Variants in HYDIN observed in about 807,000 individuals in gnomAD.
HYDIN encodes HYDIN axonemal central pair apparatus protein.
In HYDIN, 132 loss-of-function variants were observed where a neutral mutation model predicts 403.9. That is an observed-to-expected ratio of 0.33 (90% CI 0.28 to 0.38). The LOEUF is 0.38. Among genes scored for constraint, HYDIN ranks in the 10% least tolerant of loss-of-function variants. The pLI, the probability that HYDIN is intolerant of heterozygous loss-of-function variation, is 1.00. For synonymous variants in HYDIN, 1,202 were observed against 1,891.7 expected, an observed-to-expected ratio of 0.64 and a Z score of 9.46; for missense variants, 2,827 against 5,009.5, an observed-to-expected ratio of 0.56 and a Z score of 13.15.
chr16:71,152,142 C>T (rs1311972697), intron 7 of HYDIN, among the ~76,000 whole-genome samples: 1 of 150,608 alleles, frequency 6.6e-6, no homozygotes, highest in Non-Finnish European at 1.5e-5. Context: ...TGGGCTCCTT[C>T]CTGAGTCCTG....
At chr16:70,963,194 T>C (rs1469059039) in intron 37 of HYDIN, among the ~76,000 whole-genome samples, 2 of 151,906 alleles carry the variant, frequency 1.3e-5, no homozygotes, top group Non-Finnish European at 2.9e-5. Flanking sequence ...ATTCATTGCA[T>C]TTTCTGATTT....
rs759754100 is a variant in HYDIN, at chr16:70,818,404, T to C, written c.14596A>G (p.Thr4866Ala). 2.6e-5 allele frequency: 42 copies of C among 1,613,738 alleles called. No homozygotes were observed. Among genetic ancestry groups the C allele is most frequent in the Non-Finnish European group, 3.6e-5 (42 of 1,179,808 alleles). Residue 4866 changes from threonine to alanine, a missense_variant, in exon 84 of 86, where the codon ACG (threonine) becomes GCG (alanine). Thr to Ala is a moderately conservative substitution (Grantham distance 58). Transcript: ENST00000393567. ...GCGATGTCGGGCATCCGGCATTCCG[T>C]GGAGAAGGTCACCGAGTAGGGCAGA... ...NPLPYSVTFS[T>A]ECRMPDIALP...
At chr16:71,210,600 C>G (rs2088534464) in intron 1 of HYDIN, among the ~76,000 whole-genome samples, 1 of 151,876 alleles carries the variant, frequency 6.6e-6, no homozygotes, top group Admixed American at 6.6e-5. Flanking sequence ...TACATTCAAC[C>G]CCCAAATCAC....
At chr16:71,136,040 C>T (rs2084906466) in intron 8 of HYDIN, among the ~76,000 whole-genome samples, 1 of 151,246 alleles carries the variant, frequency 6.6e-6, no homozygotes, top group Non-Finnish European at 1.5e-5. Context: ...AATGGAAAGG[C>T]AAATAAAAAA....
intron 60 of HYDIN, among the ~76,000 whole-genome samples, chr16:70,881,694 A>G (rs940844904): frequency 3.3e-5 from 5 of 152,058 alleles, no homozygotes; most frequent in African/African-American, 9.7e-5. Context: ...AGTCTCCCCA[A>G]CCATACCTCT....
At chr16:70,907,730 A>C (rs2076575185) in intron 49 of HYDIN, among the ~76,000 whole-genome samples, 1 of 152,114 alleles carries the variant, frequency 6.6e-6, no homozygotes, top group South Asian at 2.1e-4. Flanking sequence ...GACAGAGCTG[A>C]GTCAGATATT....
Position 70,860,071 on chromosome 16 carries a change from G to C in HYDIN, c.12126C>G (p.Ala4042=), listed in dbSNP as rs769573188. Residue 4042 remains alanine, a synonymous_variant, in exon 71 of 86, where the codon GCC becomes GCG. Transcript: ENST00000393567. ...AGTGGTTCTCATCTGCACATACCTCGGCTTTCTTTTCAGGGTGGATGAAGC... is the reference window on the plus strand; with the variant it reads ...AGTGGTTCTCATCTGCACATACCTCCGCTTTCTTTTCAGGGTGGATGAAGC... ...EKGFIHPEKK[A]EIVFQFTPFH... The C allele has an allele frequency of 1.2e-6, 2 of 1,608,906 alleles. No individual in the cohort carries two copies. Among genetic ancestry groups the C allele is most frequent in the African/African-American group, 2.7e-5 (2 of 72,742 alleles).
intron 41 of HYDIN, among the ~76,000 whole-genome samples, chr16:70,949,126 C>G (rs1315020627): frequency 6.6e-6 from 1 of 151,906 alleles, no homozygotes; most frequent in Admixed American, 6.6e-5. Flanking sequence ...TACTATGCAG[C>G]CATAAAAAAT....
intron 47 of HYDIN, among the ~76,000 whole-genome samples, chr16:70,910,097 A>T (rs1462385588): frequency 1.3e-5 from 2 of 151,692 alleles, no homozygotes; most frequent in Non-Finnish European, 2.9e-5. Context: ...TTATTTTTCT[A>T]TTTTTTATAG....
intron 7 of HYDIN, among the ~76,000 whole-genome samples, chr16:71,149,824 G>A (rs1411775452): frequency 1.1e-4 from 16 of 151,902 alleles, no homozygotes; most frequent in Admixed American, 6.6e-4. Flanking sequence ...CACCGCAGTC[G>A]GCTGAGAAAA....
At position 71,010,129 on chromosome 16, in the gene HYDIN, G is replaced by A. The variant is rs890377565; in HGVS notation, c.3644+8000C>T. Among the ~76,000 whole-genome samples the A allele has an allele frequency of 3.6e-5, 5 of 138,524 alleles. No individual in the cohort carries two copies. The East Asian group carries it at 8.7e-4, about 24-fold the overall frequency. The allele number at this position is 138,524 out of a possible 152,430, so 90.9% of individuals were successfully genotyped here. ...AGAGTCGGGGAAGAAAGGGGGCTGA[G>A]GGGGCAGAAAATAGGCTGTGGCCCC... On this transcript the variant is annotated intron_variant, in intron 23 of 85. Coordinates refer to ENST00000393567, the MANE Select transcript of HYDIN (RefSeq NM_001270974.2).
intron 3 of HYDIN, 92 bp downstream of exon 3, chr16:71,184,762 ATAAAGGATTAG>A (rs1009305608): frequency 3.1e-6 from 3 of 981,038 alleles, no homozygotes; most frequent in Non-Finnish European, 4.4e-6. Flanking sequence ...AACAAACCCA[ATAAAGGATTAG>A]GTAGCCAAGA....
At chr16:71,072,304 A>G (rs1053835029) in intron 13 of HYDIN, among the ~76,000 whole-genome samples, 121 of 147,992 alleles carry the variant, frequency 8.2e-4, no homozygotes, top group Non-Finnish European at 1.5e-3. Flanking sequence ...ATATCCAGAA[A>G]CATTGTACAA....
chr16:70,850,825 T>A (rs2038591043), intron 73 of HYDIN, among the ~76,000 whole-genome samples, 170 bp from the exon 74 acceptor site: 1 of 152,042 alleles, frequency 6.6e-6, no homozygotes, highest in Non-Finnish European at 1.5e-5. Context: ...GGTACTGGCA[T>A]AAAAACAGAC....
Position 71,230,614 on chromosome 16 carries a change from C to A in HYDIN, c.-76G>T. On this transcript the variant is annotated 5_prime_UTR_variant, in exon 1 of 86. Transcript: ENST00000393567. ...TTCTACCTCCATTCCCCGCCAAGACCCCGCGTCCAACTCACAGACCCCGCC... is the reference window on the plus strand; with the variant it reads ...TTCTACCTCCATTCCCCGCCAAGACACCGCGTCCAACTCACAGACCCCGCC... 1 of 1,536,064 alleles carries A rather than the reference C, an allele frequency of 6.5e-7. No homozygotes were observed. Among genetic ancestry groups the A allele is most frequent in the Non-Finnish European group, 8.7e-7 (1 of 1,146,878 alleles).
chr16:71,211,146 G>T (rs1239459212), intron 1 of HYDIN, among the ~76,000 whole-genome samples: 3 of 152,128 alleles, frequency 2.0e-5, no homozygotes, highest in African/African-American at 7.2e-5. Context: ...TCTCTAGCAA[G>T]TCATAAAACC....
intron 78 of HYDIN, among the ~76,000 whole-genome samples, chr16:70,834,950 G>GTGTGTATATA (rs1399274838): frequency 4.6e-5 from 6 of 130,928 alleles, no homozygotes; most frequent in East Asian, 2.1e-4. Context: ...ACACATATAT[G>GTGTGTATATA]TATATATATA....
At chr16:70,982,757 T>C (rs543215290) in intron 28 of HYDIN, among the ~76,000 whole-genome samples, 27 of 128,218 alleles carry the variant, frequency 2.1e-4, no homozygotes, top group Admixed American at 1.1e-3. Flanking sequence ...TTTTAAAAAC[T>C]AGTTTCCTAC....
chr16:71,176,880 C>T (rs1474625739), intron 4 of HYDIN, among the ~76,000 whole-genome samples: 1 of 152,084 alleles, frequency 6.6e-6, no homozygotes, highest in Non-Finnish European at 1.5e-5. Flanking sequence ...TCTTTTGTAC[C>T]CCACGACAGT....
Sources: gnomAD v4.1 joint callset for allele counts (sites outside exome capture counted in the v4.1 genomes callset) on GRCh38, gnomAD v4.1.1 for gene constraint, MANE v1.5 for transcripts, NCBI Gene and HGNC (gene_info 2026-07-23, HGNC 2026-07-21) for gene names.